The following LRP1B variants were observed in gnomAD, a reference collection of about 807,000 sequenced individuals.
LRP1B encodes the protein low-density lipoprotein receptor-related protein 1B.
LRP1B carries 217 observed loss-of-function variants against 556.6 expected under a neutral mutation model. The ratio of observed to expected loss-of-function variants is 0.39; its 90% confidence interval spans 0.35 to 0.44. The LOEUF is 0.44. Among genes scored for constraint, LRP1B ranks in the 20% least tolerant of loss-of-function variants. The probability of loss-of-function intolerance (pLI) is 1.00; values close to 1 mark genes in which losing one functional copy is unlikely to be tolerated. For missense variants in LRP1B, 5,053 were observed against 5,620.8 expected, an observed-to-expected ratio of 0.90 and a Z score of 3.23; for synonymous variants, 2,047 against 1,865.8, an observed-to-expected ratio of 1.10 and a Z score of -2.50.
intron 41 of LRP1B, among the ~76,000 whole-genome samples, chr2:140,687,468 T>C (rs976033649): frequency 6.6e-6 from 1 of 152,194 alleles, no homozygotes; most frequent in African/African-American, 2.4e-5. Flanking sequence ...AGATTTGGCA[T>C]ATAATCTCAT....
At position 141,499,203 on chromosome 2, in the gene LRP1B, G is replaced by A. The variant is rs147182082; in HGVS notation, c.206-18670C>T. Among the ~76,000 whole-genome samples, 513 of 152,172 alleles carry A rather than the reference G, an allele frequency of 3.4e-3. 6 individuals are homozygous for A. Among genetic ancestry groups the A allele is most frequent in the African/African-American group, 0.012 (500 of 41,544 alleles). ...CTGACCAATCTTAAGAGTCACACTTGTTATTTTCATTTTACAGGTGCAGAA... is the reference window on the plus strand; with the variant it reads ...CTGACCAATCTTAAGAGTCACACTTATTATTTTCATTTTACAGGTGCAGAA... On this transcript the variant is annotated intron_variant, in intron 2 of 90. Transcript: ENST00000389484.
intron 1 of LRP1B, among the ~76,000 whole-genome samples, chr2:141,874,011 A>G (rs1244143673): frequency 6.6e-6 from 1 of 151,782 alleles, no homozygotes; most frequent in Non-Finnish European, 1.5e-5. Context: ...GAGAGACAAA[A>G]AGGAATATAT....
intron 1 of LRP1B, among the ~76,000 whole-genome samples, chr2:141,940,217 C>G (rs779925280): frequency 3.3e-5 from 5 of 152,072 alleles, no homozygotes; most frequent in Non-Finnish European, 5.9e-5. Context: ...ACAAAGAAGA[C>G]ATATTTTTAA....
At chr2:141,967,036 A>C (rs1701584888) in intron 1 of LRP1B, among the ~76,000 whole-genome samples, 3 of 151,920 alleles carry the variant, frequency 2.0e-5, no homozygotes, top group Non-Finnish European at 2.9e-5. Context: ...TGCTCCTGGA[A>C]GATGACTATC....
intron 20 of LRP1B, among the ~76,000 whole-genome samples, chr2:140,942,703 G>A (rs1232987859): frequency 1.0e-5 from 1 of 99,328 alleles, no homozygotes. Context: ...ATAAATGAAG[G>A]AGAAATAAAT....
At chr2:141,870,041 G>A (rs1200618806) in intron 1 of LRP1B, among the ~76,000 whole-genome samples, 1 of 151,914 alleles carries the variant, frequency 6.6e-6, no homozygotes, top group Non-Finnish European at 1.5e-5. Flanking sequence ...TTAGAAAAGT[G>A]GCTGCTATAT....
chr2:140,770,940 G>T lies in LRP1B; in HGVS notation c.5567C>A (p.Thr1856Lys). ...SQLCLPTSET[T>K]RTCMCTVGYY... The stretch of plus-strand genomic sequence containing the variant: ...TCCCACTGTACACATACAAGTCCTT[G>T]TAGTTTCAGATGTTGGTAAACAAAG... Residue 1856 changes from threonine to lysine, a missense_variant, in exon 34 of 91, where the codon ACA (threonine) becomes AAA (lysine). Thr to Lys is a moderately conservative substitution (Grantham distance 78, BLOSUM62 -1). This residue lies in a region of LRP1B where 3,619 missense variants were observed against 3,931.9 expected (regional missense o/e 0.92). Coordinates refer to ENST00000389484, the MANE Select transcript of LRP1B (RefSeq NM_018557.3). The T allele has an allele frequency of 6.3e-7, 1 of 1,588,114 alleles. No individual in the cohort carries two copies. Among genetic ancestry groups the T allele is most frequent in the Non-Finnish European group, 8.6e-7 (1 of 1,169,482 alleles).
intron 6 of LRP1B, among the ~76,000 whole-genome samples, chr2:141,227,111 A>G (rs1467304691): frequency 6.6e-6 from 1 of 152,216 alleles, no homozygotes; most frequent in Non-Finnish European, 1.5e-5. Flanking sequence ...AATCTAAGTT[A>G]TACTTATTTT....
chr2:141,259,580 G>C lies in LRP1B; in HGVS notation c.344-4939C>G, dbSNP rs548902904. On this transcript the variant is annotated intron_variant, in intron 3 of 90. Transcript: ENST00000389484. ...GAATCCAGCAGACTTCTCACCCTTT[G>C]GGATGGCACAAGCCCACAATGGAAA... Among the ~76,000 whole-genome samples, 4 of 152,280 alleles carry C rather than the reference G, an allele frequency of 2.6e-5. No individual in the cohort carries two copies. In the South Asian group the frequency reaches 6.2e-4, roughly 24 times the overall value.
intron 18 of LRP1B, among the ~76,000 whole-genome samples, chr2:140,956,402 A>C (rs962266502): frequency 6.6e-6 from 1 of 151,790 alleles, no homozygotes; most frequent in African/African-American, 2.4e-5. Flanking sequence ...GGAAGGAATT[A>C]AAAATTTAAT....
At chr2:142,121,328 C>T (rs970600) in intron 1 of LRP1B, among the ~76,000 whole-genome samples, 38,199 of 151,934 alleles carry the variant, frequency 0.25, 4,973 homozygotes, top group Middle Eastern at 0.44. Context: ...GATTAGACAG[C>T]CAGTAGCTGC....
chr2:141,360,613 A>G (rs1228615064), intron 3 of LRP1B, among the ~76,000 whole-genome samples: 1 of 152,194 alleles, frequency 6.6e-6, no homozygotes, highest in East Asian at 1.9e-4. Flanking sequence ...GAACCACTGT[A>G]CTACCTCAAT....
At chr2:141,045,766 A>G (rs1226596390) in intron 11 of LRP1B, among the ~76,000 whole-genome samples, 1 of 152,104 alleles carries the variant, frequency 6.6e-6, no homozygotes, top group Admixed American at 6.6e-5. Context: ...TTCACTTTTT[A>G]TTGACTGAAA....
chr2:140,574,556 A>C (rs1379970498), intron 43 of LRP1B, among the ~76,000 whole-genome samples: 1 of 152,210 alleles, frequency 6.6e-6, no homozygotes, highest in East Asian at 1.9e-4. Flanking sequence ...GCTCTCTTGT[A>C]CTAGACAGGT....
At chr2:141,533,073 A>G (rs992203065) in intron 2 of LRP1B, among the ~76,000 whole-genome samples, 3 of 152,126 alleles carry the variant, frequency 2.0e-5, no homozygotes, top group Admixed American at 6.6e-5. Flanking sequence ...GCCTGAACCA[A>G]TTGAGCTTCC....
chr2:141,541,214 GT>G (rs1361119530), intron 2 of LRP1B, among the ~76,000 whole-genome samples: 1 of 151,916 alleles, frequency 6.6e-6, no homozygotes, highest in East Asian at 1.9e-4. Context: ...GGTTCCAGGT[GT>G]TTTACTGTAT....
At chr2:140,917,307 A>C (rs979837593) in intron 21 of LRP1B, among the ~76,000 whole-genome samples, 1 of 152,126 alleles carries the variant, frequency 6.6e-6, no homozygotes, top group Admixed American at 6.6e-5. Flanking sequence ...CAAATACTGA[A>C]CATACTCTGA....
intron 27 of LRP1B, among the ~76,000 whole-genome samples, chr2:140,866,075 T>G (rs1201150116): frequency 6.6e-6 from 1 of 152,130 alleles, no homozygotes; most frequent in African/African-American, 2.4e-5. Flanking sequence ...AATACATAGA[T>G]GAAGGCCATT....
chr2:140,417,840 T>C (rs1685266427), intron 66 of LRP1B, among the ~76,000 whole-genome samples: 1 of 152,218 alleles, frequency 6.6e-6, no homozygotes, highest in Non-Finnish European at 1.5e-5. Flanking sequence ...ATACATTACA[T>C]GCCTTCAGCA....
Sources: gnomAD v4.1 joint callset for allele counts (sites outside exome capture counted in the v4.1 genomes callset) on GRCh38, gnomAD v4.1.1 for gene constraint, gnomAD v4.1.1 regional missense constraint, MANE v1.5 for transcripts, NCBI Gene and HGNC (gene_info 2026-07-23, HGNC 2026-07-21) for gene names.